Variants in ASTN2 observed in about 807,000 individuals in gnomAD.
The protein encoded by ASTN2 is astrotactin 2.
ASTN2 carries 54 observed loss-of-function variants against 139.8 expected under a neutral mutation model. The observed-to-expected ratio is 0.39, with a 90% confidence interval of 0.31 to 0.48. The LOEUF (loss-of-function observed/expected upper bound fraction) is 0.48, where lower values mean the gene tolerates loss of function less well. ASTN2 is among the 20% of genes least tolerant of loss of function. The probability of loss-of-function intolerance (pLI) is 0.95; values close to 1 mark genes in which losing one functional copy is unlikely to be tolerated. For missense variants in ASTN2, 1,565 were observed against 1,725.1 expected, an observed-to-expected ratio of 0.91 and a Z score of 1.64; for synonymous variants, 756 against 719.5, an observed-to-expected ratio of 1.05 and a Z score of -0.81.
At chr9:116,942,111 CACACCA>C (rs777646552) in intron 10 of ASTN2, among the ~76,000 whole-genome samples, 1 of 145,584 alleles carries the variant, frequency 6.9e-6, no homozygotes, top group Non-Finnish European at 1.5e-5. Context: ...CACACACACA[CACACCA>C]CACACACACA....
At chr9:116,858,274 A>G (rs1372295151) in intron 11 of ASTN2, among the ~76,000 whole-genome samples, 1 of 152,152 alleles carries the variant, frequency 6.6e-6, no homozygotes, top group East Asian at 1.9e-4. Context: ...TTGTTATAAA[A>G]CAATAGAAAG....
chr9:117,218,142 C>G (rs1260311315), intron 2 of ASTN2, among the ~76,000 whole-genome samples: 1 of 152,228 alleles, frequency 6.6e-6, no homozygotes, highest in Non-Finnish European at 1.5e-5. Context: ...ATTTCAGGCA[C>G]AGATTTCTCA....
intron 19 of ASTN2, among the ~76,000 whole-genome samples, chr9:116,509,817 G>A (rs1195455023): frequency 6.6e-6 from 1 of 152,182 alleles, no homozygotes; most frequent in Non-Finnish European, 1.5e-5. Flanking sequence ...CTTTCAAGAA[G>A]TGTCTGTTGA....
At chr9:116,681,868 A>G (rs1859891128) in intron 16 of ASTN2, among the ~76,000 whole-genome samples, 2 of 151,026 alleles carry the variant, frequency 1.3e-5, no homozygotes, top group South Asian at 2.1e-4. Flanking sequence ...TTATACAAAA[A>G]TTAATTCAAG....
chr9:117,286,039 T>C (rs1337877983), intron 2 of ASTN2, among the ~76,000 whole-genome samples: 1 of 152,190 alleles, frequency 6.6e-6, no homozygotes, highest in African/African-American at 2.4e-5. Flanking sequence ...CTTGTGGAAA[T>C]CTTTAAAACA....
chr9:117,369,809 A>G (rs1829941983), intron 1 of ASTN2, among the ~76,000 whole-genome samples: 1 of 152,120 alleles, frequency 6.6e-6, no homozygotes, highest in South Asian at 2.1e-4. Context: ...TCCTGTTAAT[A>G]AACTGGGATG....
At chr9:117,175,160 C>A (rs1830886160) in intron 3 of ASTN2, among the ~76,000 whole-genome samples, 1 of 151,956 alleles carries the variant, frequency 6.6e-6, no homozygotes, top group Non-Finnish European at 1.5e-5. Flanking sequence ...AAGAAAGGAA[C>A]AATTAATAAA....
intron 2 of ASTN2, among the ~76,000 whole-genome samples, chr9:117,235,147 T>C (rs1357694217): frequency 1.3e-5 from 2 of 151,692 alleles, no homozygotes; most frequent in Admixed American, 6.6e-5. Context: ...GGCAGGAGAA[T>C]TGCTGGAACC....
intron 3 of ASTN2, among the ~76,000 whole-genome samples, chr9:117,176,895 G>A (rs1379595883): frequency 1.3e-5 from 2 of 152,150 alleles, no homozygotes; most frequent in Non-Finnish European, 2.9e-5. Flanking sequence ...CTGCACTCTA[G>A]CCTGGGTGAC....
At chr9:117,374,622 C>A (rs770538836) in intron 1 of ASTN2, among the ~76,000 whole-genome samples, 8 of 152,070 alleles carry the variant, frequency 5.3e-5, no homozygotes, top group Non-Finnish European at 1.0e-4. Context: ...AAAGAAGGCA[C>A]CAAGTCTGGT....
intron 1 of ASTN2, among the ~76,000 whole-genome samples, chr9:117,384,457 G>C (rs1830347054): frequency 6.6e-6 from 1 of 152,198 alleles, no homozygotes; most frequent in Non-Finnish European, 1.5e-5. Context: ...TAAATGACTA[G>C]AGATGTGATA....
At chr9:116,973,908 C>T (rs919961935) in intron 10 of ASTN2, among the ~76,000 whole-genome samples, 2 of 152,110 alleles carry the variant, frequency 1.3e-5, no homozygotes, top group Admixed American at 6.5e-5. Context: ...AAGTTCATCC[C>T]TCCCAGTGAA....
At chr9:116,898,249 A>C (rs979197745) in intron 10 of ASTN2, among the ~76,000 whole-genome samples, 1 of 151,950 alleles carries the variant, frequency 6.6e-6, no homozygotes, top group South Asian at 2.1e-4. Context: ...TCTACAAAAA[A>C]TAGAAAAAAT....
At chr9:116,442,278 G>A (rs1311523974) in intron 21 of ASTN2, among the ~76,000 whole-genome samples, 175 bp downstream of exon 21, 1 of 152,132 alleles carries the variant, frequency 6.6e-6, no homozygotes. Flanking sequence ...TTCCCTTCAT[G>A]ACTTTGATTA....
At chr9:116,750,668 C>A (rs1442412846) in intron 13 of ASTN2, among the ~76,000 whole-genome samples, 1 of 152,178 alleles carries the variant, frequency 6.6e-6, no homozygotes, top group Non-Finnish European at 1.5e-5. Flanking sequence ...CAACACTGCA[C>A]TAATGAGGAG....
chr9:116,687,801 C>A (rs1860347989), intron 16 of ASTN2, among the ~76,000 whole-genome samples: 1 of 151,762 alleles, frequency 6.6e-6, no homozygotes, highest in African/African-American at 2.4e-5. Flanking sequence ...TTGAGGAAAT[C>A]TGGGGGCGCT....
At chr9:117,309,543 TG>T (rs1827902898) in intron 1 of ASTN2, among the ~76,000 whole-genome samples, 2 of 152,176 alleles carry the variant, frequency 1.3e-5, no homozygotes, top group Non-Finnish European at 2.9e-5. Flanking sequence ...GGAAGATAGA[TG>T]CAGGAACAGT....
chr9:116,703,654 C>T (rs1215273476), intron 16 of ASTN2, among the ~76,000 whole-genome samples: 1 of 151,132 alleles, frequency 6.6e-6, no homozygotes, highest in Non-Finnish European at 1.5e-5. Context: ...TGCAGCGCAC[C>T]AGCATGGCAC....
At chr9:117,050,275 G>A (rs1019927709) in intron 5 of ASTN2, among the ~76,000 whole-genome samples, 5 of 152,244 alleles carry the variant, frequency 3.3e-5, no homozygotes, top group African/African-American at 1.2e-4. Context: ...TCCATGAAAG[G>A]TTCATTTCTA....
Sources: gnomAD v4.1 joint callset for allele counts (sites outside exome capture counted in the v4.1 genomes callset) on GRCh38, gnomAD v4.1.1 for gene constraint, MANE v1.5 for transcripts, NCBI Gene and HGNC (gene_info 2026-07-23, HGNC 2026-07-21) for gene names.